The following KAZN variants were observed in gnomAD, a reference collection of about 807,000 sequenced individuals.
The protein encoded by KAZN is kazrin, periplakin interacting protein, also known as kazrin.
Under a neutral mutation model 87.4 loss-of-function variants are expected in KAZN, and 40 were observed. The ratio of observed to expected loss-of-function variants is 0.46; its 90% CI spans 0.36 to 0.60. KAZN has a LOEUF of 0.60. KAZN is among the 20% of genes least tolerant of loss of function. The pLI, the probability that KAZN is intolerant of heterozygous loss-of-function variation, is 0.00. For synonymous variants in KAZN, 466 were observed against 458.3 expected (o/e 1.02, Z -0.22); for missense variants, 898 against 1,073.9 (o/e 0.84, Z 2.29).
chr1:14,799,131 G>A (rs769351575), intron 1 of KAZN, among the ~76,000 whole-genome samples: 6 of 152,154 alleles, frequency 3.9e-5, no homozygotes, highest in Non-Finnish European at 8.8e-5. Context: ...ACATGTGTTC[G>A]TTATTTTAAA....
chr1:14,972,951 C>A (rs1161807726), intron 2 of KAZN, among the ~76,000 whole-genome samples: 3 of 151,998 alleles, frequency 2.0e-5, no homozygotes, highest in Non-Finnish European at 4.4e-5. Flanking sequence ...TTTAGCAAAA[C>A]GTATCGAGCA....
At chr1:14,137,701 CTTTTT>C (rs35819477) in intron 1 of KAZN, among the ~76,000 whole-genome samples, 2 of 65,062 alleles carry the variant, frequency 3.1e-5, no homozygotes, top group Admixed American at 2.4e-4. Flanking sequence ...AAATATAAGG[CTTTTT>C]TTTTTTTTTT....
intron 1 of KAZN, among the ~76,000 whole-genome samples, chr1:13,941,289 A>T (rs1316470144): frequency 6.6e-6 from 1 of 152,238 alleles, no homozygotes; most frequent in East Asian, 1.9e-4. Context: ...GGTCTCTTTC[A>T]TACCTGCTCA....
intron 1 of KAZN, among the ~76,000 whole-genome samples, chr1:14,952,753 G>A (rs1467544864): frequency 6.6e-6 from 1 of 152,136 alleles, no homozygotes; most frequent in East Asian, 1.9e-4. Context: ...CCTGGGCTGG[G>A]GAAGCCCGAA....
In KAZN at chr1:15,020,630, A is replaced by G. The variant is rs75304614; in HGVS notation, c.419-14119A>G. Among the ~76,000 whole-genome samples, 634 of 152,322 alleles carry G rather than the reference A, an allele frequency of 4.2e-3. 2 individuals carry two copies. The highest frequency in any genetic ancestry group is 0.014 in the African/African-American group (575 of 41,564). Reference sequence around the variant, plus strand: ...TCATTCATTCTCACCAGGTCAAGCCATCCACCATGTGAAGGGATCACAGTG... The same window carrying G: ...TCATTCATTCTCACCAGGTCAAGCCGTCCACCATGTGAAGGGATCACAGTG... On this transcript the variant is annotated intron_variant, in intron 2 of 14. Transcript: ENST00000376030.
intron 1 of KAZN, among the ~76,000 whole-genome samples, chr1:14,717,518 C>T (rs1642857386): frequency 6.6e-6 from 1 of 152,180 alleles, no homozygotes; most frequent in Non-Finnish European, 1.5e-5. Context: ...CTGTGGCCCC[C>T]TCCCTGTGTG....
At chr1:14,038,246 T>TG (rs1641644900) in intron 1 of KAZN, among the ~76,000 whole-genome samples, 1 of 152,114 alleles carries the variant, frequency 6.6e-6, no homozygotes, top group Non-Finnish European at 1.5e-5. Flanking sequence ...GAAAGGGATC[T>TG]GGGGGTCTGG....
chr1:14,036,209 T>C (rs747824026), intron 1 of KAZN, among the ~76,000 whole-genome samples: 24 of 152,238 alleles, frequency 1.6e-4, no homozygotes, highest in Non-Finnish European at 3.1e-4. Flanking sequence ...AGGAGGTTTC[T>C]CTTCCAACAT....
At chr1:14,204,894 G>T (rs566429546) in intron 2 of KAZN, among the ~76,000 whole-genome samples, 2 of 152,368 alleles carry the variant, frequency 1.3e-5, no homozygotes, top group South Asian at 4.1e-4. Context: ...GTGTACTAGG[G>T]AATGCTAACT....
intron 4 of KAZN, among the ~76,000 whole-genome samples, chr1:15,050,955 G>A (rs543588688): frequency 3.3e-5 from 5 of 152,332 alleles, no homozygotes; most frequent in African/African-American, 4.8e-5. Context: ...ATCTGTGAAA[G>A]AGGGTCCCAG....
intron 11 of KAZN, among the ~76,000 whole-genome samples, chr1:15,102,620 A>C (rs1171868371): frequency 6.6e-6 from 1 of 152,208 alleles, no homozygotes; most frequent in Non-Finnish European, 1.5e-5. Flanking sequence ...AGAGGGGGCC[A>C]TCCAGCCTTT....
At chr1:14,355,524 C>T (rs1658947275) in intron 2 of KAZN, among the ~76,000 whole-genome samples, 1 of 151,990 alleles carries the variant, frequency 6.6e-6, no homozygotes, top group Non-Finnish European at 1.5e-5. Context: ...TTTGCTGCAA[C>T]CATCAACCCG....
chr1:14,667,014 G>T (rs1639603661), intron 1 of KAZN, among the ~76,000 whole-genome samples: 1 of 152,168 alleles, frequency 6.6e-6, no homozygotes. Context: ...CTTCTTATAA[G>T]AGAACCAACC....
Position 14,184,344 on chromosome 1 carries a change from C to G in KAZN, c.249+3752C>G, listed in dbSNP as rs1386502041. On this transcript the variant is annotated intron_variant, in intron 2 of 16. Transcript: ENST00000636203. This position sits in a 1 kb window ranked among gnomAD's most constrained non-coding sequence, Gnocchi z 4.2. Reference sequence around the variant, plus strand: ...CCTCGCCTTCTCTTCTTTTGGTTGGCAAAATAAATGTTAGCTGAGATGTGG... The same window carrying G: ...CCTCGCCTTCTCTTCTTTTGGTTGGGAAAATAAATGTTAGCTGAGATGTGG... Among the ~76,000 whole-genome samples the G allele has an allele frequency of 6.6e-6, 1 of 152,016 alleles. No homozygotes were observed. The highest frequency in any genetic ancestry group is 1.5e-5 in the Non-Finnish European group (1 of 68,000).
chr1:14,970,927 CTGCA>C (rs1664958996), intron 2 of KAZN, among the ~76,000 whole-genome samples: 3 of 152,194 alleles, frequency 2.0e-5, no homozygotes, highest in Non-Finnish European at 4.4e-5. Flanking sequence ...TGAACACACA[CTGCA>C]TCACTTTGGA....
intron 14 of KAZN, chr1:15,114,214 G>A (rs1641759182): frequency 1.0e-5 from 4 of 399,602 alleles, no homozygotes; most frequent in South Asian, 9.8e-5. Context: ...TCAGACTAAC[G>A]ATATTTGTCC....
chr1:14,521,145 G>A (rs1217085627), intron 2 of KAZN, among the ~76,000 whole-genome samples: 2 of 152,186 alleles, frequency 1.3e-5, no homozygotes, highest in African/African-American at 2.4e-5. Context: ...AGGGAGGGGT[G>A]CAGCCAACGT....
intron 2 of KAZN, among the ~76,000 whole-genome samples, chr1:14,508,755 C>T (rs79701734): frequency 7.9e-5 from 12 of 152,146 alleles, no homozygotes; most frequent in South Asian, 2.1e-4. Flanking sequence ...GGACCTCGCC[C>T]GTTCTCCCTT....
intron 1 of KAZN, among the ~76,000 whole-genome samples, chr1:14,040,892 A>G (rs1641811659): frequency 6.6e-6 from 1 of 152,068 alleles, no homozygotes; most frequent in African/African-American, 2.4e-5. Flanking sequence ...GAGTTAATAT[A>G]ATAGATATAA....
Sources: gnomAD v4.1 joint callset for allele counts (sites outside exome capture counted in the v4.1 genomes callset) on GRCh38, gnomAD v4.1.1 for gene constraint, Gnocchi (gnomAD v3.1) non-coding constraint, MANE v1.5 for transcripts, NCBI Gene and HGNC (gene_info 2026-07-23, HGNC 2026-07-21) for gene names.